PLEKHA8: variants seen among roughly 807,000 people sequenced by gnomAD.
PLEKHA8 encodes pleckstrin homology domain-containing family A member 8.
PLEKHA8 carries 36 observed loss-of-function variants against 68.2 expected under a neutral mutation model. The observed-to-expected ratio is 0.53, with a 90% CI of 0.40 to 0.70. The LOEUF (loss-of-function observed/expected upper bound fraction) is 0.70, where lower values mean the gene tolerates loss of function less well. Ranked by LOEUF, PLEKHA8 falls within the 30% of genes least tolerant of loss-of-function variation. The pLI is 0.00. For synonymous variants in PLEKHA8, 211 were observed against 216.1 expected (o/e 0.98, Z 0.20); for missense variants, 505 against 615.4 (o/e 0.82, Z 1.90).
chr7:30,051,396 GTT>G (rs201885140), intron 6 of PLEKHA8, among the ~76,000 whole-genome samples: 1 of 144,314 alleles, frequency 6.9e-6, no homozygotes. Context: ...TTGAAATATG[GTT>G]TTTTTTTTTT....
intron 9 of PLEKHA8, among the ~76,000 whole-genome samples, chr7:30,058,170 G>C (rs904705564): frequency 1.3e-5 from 2 of 151,954 alleles, no homozygotes; most frequent in Non-Finnish European, 2.9e-5. Flanking sequence ...TTATTACTGA[G>C]TTGGGAGAGT....
chr7:30,123,949 G>A (rs1354261209), intron 13 of PLEKHA8, among the ~76,000 whole-genome samples: 3 of 152,192 alleles, frequency 2.0e-5, no homozygotes, highest in Non-Finnish European at 4.4e-5. Flanking sequence ...GCTAATCCTA[G>A]TTTAACTTTA....
At chr7:30,098,342 C>G (rs1246226736) in intron 13 of PLEKHA8, among the ~76,000 whole-genome samples, 4 of 152,246 alleles carry the variant, frequency 2.6e-5, no homozygotes, top group Non-Finnish European at 5.9e-5. Context: ...AACCACTACT[C>G]TCTTCAAAGC....
chr7:30,043,490 A>G (rs1327312078), intron 1 of PLEKHA8, among the ~76,000 whole-genome samples: 3 of 152,230 alleles, frequency 2.0e-5, no homozygotes, highest in Non-Finnish European at 4.4e-5. Context: ...AAGATTACTT[A>G]TCTTTGGTGA....
rs1047133304 is a variant in PLEKHA8, at chr7:30,083,037, A to G, written c.*4250A>G. The G allele has an allele frequency of 5.1e-6, 5 of 982,608 alleles. No individual in the cohort carries two copies. The highest frequency in any genetic ancestry group is 3.5e-5 in the African/African-American group (2 of 57,168). 60.9% of individuals were successfully genotyped at this position (982,608 alleles called of 1,614,324 possible). ...CTCATGTTTCATTTCTTTTTTTAAGATAATCTATCAACCTTTTTTAAATTT... is the reference window on the plus strand; with the variant it reads ...CTCATGTTTCATTTCTTTTTTTAAGGTAATCTATCAACCTTTTTTAAATTT... On this transcript the variant is annotated 3_prime_UTR_variant, in exon 14 of 14. Transcript: ENST00000449726.
At chr7:30,106,925 A>G (rs1236670508) in intron 13 of PLEKHA8, among the ~76,000 whole-genome samples, 1 of 152,192 alleles carries the variant, frequency 6.6e-6, no homozygotes, top group Non-Finnish European at 1.5e-5. Flanking sequence ...TCAGATTTTG[A>G]TACCTGCCAG....
At chr7:30,037,782 T>C (rs1791215567) in intron 1 of PLEKHA8, among the ~76,000 whole-genome samples, 1 of 152,040 alleles carries the variant, frequency 6.6e-6, no homozygotes, top group East Asian at 1.9e-4. Flanking sequence ...CAGTAGTTCT[T>C]ATGGATTTTT....
downstream of PLEKHA8, among the ~76,000 whole-genome samples, chr7:30,093,116 C>T (rs1795480754): frequency 6.6e-6 from 1 of 152,154 alleles, no homozygotes; most frequent in African/African-American, 2.4e-5. Flanking sequence ...GTGGGGTTAA[C>T]AGAAGAAAAT....
At chr7:30,068,152 AAC>A (rs1793995668) in intron 12 of PLEKHA8, among the ~76,000 whole-genome samples, 1 of 152,186 alleles carries the variant, frequency 6.6e-6, no homozygotes, top group African/African-American at 2.4e-5. Flanking sequence ...GGCTCCTTGA[AAC>A]ACAGATTGCT....
intron 13 of PLEKHA8, among the ~76,000 whole-genome samples, chr7:30,115,550 GTATACATGTAGACATATGTATACATGCA>G (rs1796413805): frequency 2.2e-4 from 11 of 50,296 alleles, no homozygotes; most frequent in Non-Finnish European, 6.7e-4. Flanking sequence ...ACACATGCAC[GTATACATGTAGACATATGTATACATGCA>G]CGTATACATG....
intron 13 of PLEKHA8, among the ~76,000 whole-genome samples, chr7:30,111,440 G>T (rs1796272610): frequency 6.6e-6 from 1 of 151,932 alleles, no homozygotes; most frequent in African/African-American, 2.4e-5. Context: ...TGGCTATTCT[G>T]TGTCATCTTA....
chr7:30,110,112 T>C (rs1234580327), intron 13 of PLEKHA8, among the ~76,000 whole-genome samples: 1 of 152,218 alleles, frequency 6.6e-6, no homozygotes, highest in African/African-American at 2.4e-5. Context: ...GTCCTTACCA[T>C]AATCTAAGTT....
In PLEKHA8 at chr7:30,083,600, ATCTT is replaced by A. The variant is rs1795050276; in HGVS notation, c.*4818_*4821del. ...TCTGGTACAGTTGATGCATGCATTGATCTTTCTTCTCTGCTGTTTTTATATAGCC... is the reference window on the plus strand; with the variant it reads ...TCTGGTACAGTTGATGCATGCATTGATCTTCTCTGCTGTTTTTATATAGCC... On this transcript the variant is annotated 3_prime_UTR_variant, in exon 14 of 14. Coordinates refer to ENST00000449726, the MANE Select transcript of PLEKHA8 (RefSeq NM_001197026.2). 1.0e-6 allele frequency: 1 copy of A among 985,256 alleles called. No homozygotes were observed. The highest frequency in any genetic ancestry group is 4.7e-5 in the South Asian group (1 of 21,288). The allele number at this position is 985,256 out of a possible 1,614,324, so 61.0% of individuals were successfully genotyped here. A position where few individuals can be genotyped will look rare whatever the true frequency, so the allele number is the denominator to read the frequency against.
intron 9 of PLEKHA8, among the ~76,000 whole-genome samples, chr7:30,057,624 A>G (rs117001988): frequency 0.01 from 1,559 of 151,674 alleles, 17 homozygotes; most frequent in East Asian, 0.04. Flanking sequence ...TGCCTGGCCA[A>G]TTTTTTTTGT....
Position 30,074,119 on chromosome 7 carries a change from G to T in PLEKHA8, c.1349G>T (p.Arg450Leu). 1 of 1,613,152 alleles carries T rather than the reference G, an allele frequency of 6.2e-7. No homozygotes were observed. Among genetic ancestry groups the T allele is most frequent in the Non-Finnish European group, 8.5e-7 (1 of 1,179,378 alleles). ...CGGCAACACCATGGCTGGGTAGTTC[G>T]AGGGGTTTTTGCGGTAAGTGATCCT... ...TLRQHHGWVV[R>L]GVFALALRAA... Residue 450 changes from arginine to leucine, a missense_variant, in exon 13 of 14, where the codon CGA (arginine) becomes CTA (leucine). By Grantham distance (102) the Arg-to-Leu change is moderately radical. Transcript: ENST00000449726.
chr7:30,115,858 A>G lies in PLEKHA8; in HGVS notation c.1363-13408A>G, dbSNP rs570805305. On this transcript the variant is annotated intron_variant, in intron 13 of 13. Transcript: ENST00000396257. The stretch of plus-strand genomic sequence containing the variant: ...TACATGTATACACGTATGCATACAT[A>G]CGTGCACATACATGTAGGCACGCAT... 8.9e-4 allele frequency: 132 copies of G among 148,986 alleles called. 6 individuals are homozygous for G. Among genetic ancestry groups the G allele is most frequent in the Middle Eastern group, 3.4e-3 (1 of 290 alleles). 9.2% of individuals were successfully genotyped at this position (148,986 alleles called of 1,614,324 possible).
chr7:30,040,434 C>G (rs919160516), intron 1 of PLEKHA8, among the ~76,000 whole-genome samples: 1 of 152,214 alleles, frequency 6.6e-6, no homozygotes, highest in Non-Finnish European at 1.5e-5. Context: ...AAGAAACAGT[C>G]CCCATTTCTT....
chr7:30,078,835 G>C lies in PLEKHA8; in HGVS notation c.*48G>C, dbSNP rs906911768. On this transcript the variant is annotated 3_prime_UTR_variant, in exon 14 of 14. Coordinates refer to ENST00000449726, the MANE Select transcript of PLEKHA8 (RefSeq NM_001197026.2). Reference sequence around the variant, plus strand: ...AACTTCAGGGAATAAGTGCTAAAGTGTTTTGTTGCCCTACTTAATTTCCAG... The same window carrying C: ...AACTTCAGGGAATAAGTGCTAAAGTCTTTTGTTGCCCTACTTAATTTCCAG... 6.3e-7 allele frequency: 1 copy of C among 1,579,018 alleles called. No homozygotes were observed. The highest frequency in any genetic ancestry group is 8.6e-7 in the Non-Finnish European group (1 of 1,161,448).
intron 6 of PLEKHA8, among the ~76,000 whole-genome samples, chr7:30,052,462 C>T (rs898053340): frequency 6.6e-6 from 1 of 151,970 alleles, no homozygotes; most frequent in Non-Finnish European, 1.5e-5. Context: ...CATAGTGACA[C>T]CCCATCTCTA....
Sources: gnomAD v4.1 joint callset for allele counts (sites outside exome capture counted in the v4.1 genomes callset) on GRCh38, gnomAD v4.1.1 for gene constraint, MANE v1.5 for transcripts, NCBI Gene and HGNC (gene_info 2026-07-23, HGNC 2026-07-21) for gene names.